The following SLC24A3 variants were observed in gnomAD, a reference collection of about 807,000 sequenced individuals.
The protein encoded by SLC24A3 is solute carrier family 24 member 3.
In SLC24A3, 28 loss-of-function variants were observed where a neutral mutation model predicts 75.8. The ratio of observed to expected loss-of-function variants is 0.37; its 90% CI spans 0.27 to 0.51. The LOEUF (loss-of-function observed/expected upper bound fraction) is 0.51, where lower values mean the gene tolerates loss of function less well. Among genes scored for constraint, SLC24A3 ranks in the 20% least tolerant of loss-of-function variants. The pLI, the probability that SLC24A3 is intolerant of heterozygous loss-of-function variation, is 0.94. For missense variants in SLC24A3, 663 were observed against 847.8 expected, an observed-to-expected ratio of 0.78 and a Z score of 2.71; for synonymous variants, 372 against 334.1, an observed-to-expected ratio of 1.11 and a Z score of -1.24.
At chr20:19,648,401 G>T (rs2032162657) in intron 6 of SLC24A3, among the ~76,000 whole-genome samples, 2 of 151,728 alleles carry the variant, frequency 1.3e-5, no homozygotes, top group African/African-American at 2.4e-5. Context: ...GACACTAACA[G>T]TTTTATGTTT....
chr20:19,412,074 A>T (rs1325683684), intron 2 of SLC24A3, among the ~76,000 whole-genome samples: 1 of 152,180 alleles, frequency 6.6e-6, no homozygotes, highest in African/African-American at 2.4e-5. Context: ...AAAATATGAA[A>T]TTACAGTATT....
At chr20:19,447,208 A>G (rs535325517) in intron 2 of SLC24A3, among the ~76,000 whole-genome samples, 1 of 152,328 alleles carries the variant, frequency 6.6e-6, no homozygotes, top group African/African-American at 2.4e-5. Flanking sequence ...GGGTGGGTGT[A>G]AAAATGAAAT....
chr20:19,516,876 G>A (rs1408850291), intron 3 of SLC24A3, among the ~76,000 whole-genome samples: 1 of 152,202 alleles, frequency 6.6e-6, no homozygotes, highest in Middle Eastern at 3.2e-3. Flanking sequence ...TGTGGAGTCA[G>A]AGAAGACATG....
intron 2 of SLC24A3, among the ~76,000 whole-genome samples, chr20:19,357,854 C>G (rs1163464464): frequency 6.6e-6 from 1 of 152,244 alleles, no homozygotes; most frequent in African/African-American, 2.4e-5. Flanking sequence ...CTAGAGCACA[C>G]TGGACTGGGA....
rs558375866 is a variant in SLC24A3 at position 19,649,139 on chromosome 20, G to A, written c.613-4923G>A. Among the ~76,000 whole-genome samples the A allele has an allele frequency of 2.1e-4, 32 of 152,254 alleles. 1 individual carries two copies. In the South Asian group the frequency reaches 6.4e-3, roughly 31 times the overall value. On this transcript the variant is annotated intron_variant, in intron 6 of 16. Transcript: ENST00000328041. ...CTTCTCATCAACCTACTGTGGCTTG[G>A]GGGACACCTGCCAACAGATGCAAAG...
At chr20:19,263,540 G>A (rs1166033660) in intron 1 of SLC24A3, among the ~76,000 whole-genome samples, 1 of 152,190 alleles carries the variant, frequency 6.6e-6, no homozygotes, top group Non-Finnish European at 1.5e-5. Context: ...AATATGCAAA[G>A]CAAGCCTCCC....
chr20:19,490,414 C>T (rs1444630182), intron 2 of SLC24A3, among the ~76,000 whole-genome samples: 2 of 152,172 alleles, frequency 1.3e-5, no homozygotes, highest in Admixed American at 1.3e-4. Context: ...GTCCCACTGG[C>T]CTCCTTTGTT....
At chr20:19,232,038 A>AT (rs566528776) in intron 1 of SLC24A3, among the ~76,000 whole-genome samples, 166 of 152,254 alleles carry the variant, frequency 1.1e-3, no homozygotes, top group African/African-American at 3.9e-3. Flanking sequence ...TGGATGATTA[A>AT]TTTTTTTCCC....
intron 1 of SLC24A3, among the ~76,000 whole-genome samples, chr20:19,234,874 A>T (rs1295898435): frequency 6.6e-6 from 1 of 152,306 alleles, no homozygotes; most frequent in Middle Eastern, 3.4e-3. Context: ...CACTCCTTAT[A>T]ATCATCTGCT....
At chr20:19,677,702 T>C (rs1195179262) in intron 9 of SLC24A3, among the ~76,000 whole-genome samples, 1 of 150,492 alleles carries the variant, frequency 6.6e-6, no homozygotes, top group Non-Finnish European at 1.5e-5. Flanking sequence ...TTTTTTTTTT[T>C]TTTTAATTTT....
intron 2 of SLC24A3, among the ~76,000 whole-genome samples, chr20:19,415,084 G>A (rs984543396): frequency 2.4e-4 from 36 of 152,130 alleles, no homozygotes; most frequent in African/African-American, 8.2e-4. Flanking sequence ...CTATAAATGT[G>A]TATATCGAGC....
At chr20:19,576,624 A>G (rs1438063302) in intron 3 of SLC24A3, among the ~76,000 whole-genome samples, 1 of 152,186 alleles carries the variant, frequency 6.6e-6, no homozygotes, top group African/African-American at 2.4e-5. Flanking sequence ...GAACTAACAC[A>G]GCTTTTGATA....
intron 13 of SLC24A3, 95 bp downstream of exon 13, chr20:19,693,520 C>A: frequency 6.8e-7 from 1 of 1,464,750 alleles, no homozygotes; most frequent in Non-Finnish European, 9.1e-7. Flanking sequence ...CTGTACTAGT[C>A]AGCTATTGCT....
rs146843131 is a variant in SLC24A3, at chr20:19,450,288, G to A, written c.272-65200G>A. On this transcript the variant is annotated intron_variant, in intron 2 of 16. Transcript: ENST00000328041. ...GTGAACCAGCAACTTTCAAACTCCA[G>A]ACAGCTCTCATGTAGGATGGGGTTG... 4.2e-4 allele frequency among the ~76,000 whole-genome samples: 64 copies of A among 152,330 alleles called. No homozygotes were observed. The East Asian group carries it at 0.011, about 26-fold the overall frequency.
chr20:19,310,562 G>A lies in SLC24A3; in HGVS notation c.271+29475G>A, dbSNP rs1291858806. On this transcript the variant is annotated intron_variant, in intron 2 of 16. Coordinates refer to ENST00000328041, the MANE Select transcript of SLC24A3 (RefSeq NM_020689.4). ...CAGGCCAGTTCTCTGGAAGGTCCGG[G>A]TTGCTTCAGGACTGACCTGCGGCTA... Among the ~76,000 whole-genome samples the A allele has an allele frequency of 2.6e-5, 4 of 152,336 alleles. No homozygotes were observed. In the East Asian group the frequency reaches 5.8e-4, roughly 22 times the overall value.
At chr20:19,230,253 T>C (rs1375637050) in intron 1 of SLC24A3, among the ~76,000 whole-genome samples, 1 of 152,130 alleles carries the variant, frequency 6.6e-6, no homozygotes, top group African/African-American at 2.4e-5. Flanking sequence ...GAGCATCGCT[T>C]ATGCTGAAGG....
At chr20:19,406,333 G>A (rs1986646535) in intron 2 of SLC24A3, among the ~76,000 whole-genome samples, 2 of 151,914 alleles carry the variant, frequency 1.3e-5, no homozygotes, top group African/African-American at 4.8e-5. Flanking sequence ...TATATATGAA[G>A]GCAATTGTGA....
chr20:19,583,618 T>C (rs932271049), intron 4 of SLC24A3, among the ~76,000 whole-genome samples: 2 of 152,216 alleles, frequency 1.3e-5, no homozygotes, highest in Admixed American at 1.3e-4. Context: ...GAAACGGACA[T>C]GAACCCAAGG....
intron 1 of SLC24A3, among the ~76,000 whole-genome samples, chr20:19,236,697 A>G (rs1211703761): frequency 1.3e-5 from 2 of 152,244 alleles, no homozygotes; most frequent in African/African-American, 2.4e-5. Context: ...TTGAGGCTGC[A>G]GTAAACTATG....
Sources: gnomAD v4.1 joint callset for allele counts (sites outside exome capture counted in the v4.1 genomes callset) on GRCh38, gnomAD v4.1.1 for gene constraint, MANE v1.5 for transcripts, NCBI Gene and HGNC (gene_info 2026-07-23, HGNC 2026-07-21) for gene names.